The following NEK7 variants were observed in gnomAD, a reference collection of about 807,000 sequenced individuals.
NEK7 encodes serine/threonine-protein kinase Nek7.
A neutral mutation model predicts 44.6 loss-of-function variants in NEK7; 18 were observed. The observed-to-expected ratio is 0.40, with a 90% CI of 0.28 to 0.60. NEK7 has a LOEUF of 0.60. Ranked by LOEUF, NEK7 falls within the 20% of genes least tolerant of loss-of-function variation. The probability of loss-of-function intolerance (pLI) is 0.38; values close to 1 mark genes in which losing one functional copy is unlikely to be tolerated. For synonymous variants in NEK7, 130 were observed against 121.1 expected (o/e 1.07, Z -0.48); for missense variants, 256 against 366.5 (o/e 0.70, Z 2.46).
intron 1 of NEK7, among the ~76,000 whole-genome samples, chr1:198,167,027 T>C (rs2102708969): frequency 6.6e-6 from 1 of 152,344 alleles, no homozygotes; most frequent in Middle Eastern, 3.4e-3. Flanking sequence ...TCTGTCACCA[T>C]TCTGCAGGCC....
chr1:198,307,079 T>C (rs912987707), intron 9 of NEK7, among the ~76,000 whole-genome samples: 1 of 152,132 alleles, frequency 6.6e-6, no homozygotes, highest in Non-Finnish European at 1.5e-5. Context: ...TGTATACCTG[T>C]TATGACCAAC....
intron 7 of NEK7, among the ~76,000 whole-genome samples, chr1:198,282,060 CT>C: frequency 6.6e-6 from 1 of 152,170 alleles, no homozygotes; most frequent in East Asian, 1.9e-4. Context: ...CCTAACAGGT[CT>C]TCACTTGTTT....
At chr1:198,250,469 G>A (rs1307506759) in intron 2 of NEK7, among the ~76,000 whole-genome samples, 3 of 151,594 alleles carry the variant, frequency 2.0e-5, no homozygotes, top group Non-Finnish European at 4.4e-5. Context: ...ATTACCTTGG[G>A]CAGTATGGCC....
chr1:198,224,114 G>T (rs1666145986), intron 1 of NEK7, among the ~76,000 whole-genome samples: 3 of 152,164 alleles, frequency 2.0e-5, no homozygotes, highest in Admixed American at 6.5e-5. Flanking sequence ...ATACATTTGT[G>T]GAAGGACAGA....
chr1:198,295,276 TCA>T (rs1491125556), intron 8 of NEK7, among the ~76,000 whole-genome samples: 1 of 151,872 alleles, frequency 6.6e-6, no homozygotes, highest in Non-Finnish European at 1.5e-5. Flanking sequence ...GGCTTACAGT[TCA>T]AAAAAAAAGA....
chr1:198,309,280 G>C (rs1391830953), intron 9 of NEK7, among the ~76,000 whole-genome samples: 1 of 151,996 alleles, frequency 6.6e-6, no homozygotes, highest in Non-Finnish European at 1.5e-5. Flanking sequence ...GCATGAAGCA[G>C]TTTGGCAAGC....
chr1:198,204,817 T>C (rs1433330404), intron 1 of NEK7, among the ~76,000 whole-genome samples: 2 of 152,090 alleles, frequency 1.3e-5, no homozygotes, highest in African/African-American at 4.8e-5. Flanking sequence ...AAAACACATT[T>C]TATATAGATT....
intron 1 of NEK7, among the ~76,000 whole-genome samples, chr1:198,161,494 GC>G (rs1354186398): frequency 6.6e-6 from 1 of 152,186 alleles, no homozygotes; most frequent in Non-Finnish European, 1.5e-5. Context: ...GTGGTGCTAT[GC>G]CATTGATGTT....
intron 3 of NEK7, among the ~76,000 whole-genome samples, chr1:198,255,913 A>AACC (rs2102933315): frequency 6.6e-6 from 1 of 152,290 alleles, no homozygotes; most frequent in East Asian, 1.9e-4. Flanking sequence ...TGAACAGGAA[A>AACC]ACCCATGGTT....
At chr1:198,274,653 A>G (rs1220986895) in intron 5 of NEK7, among the ~76,000 whole-genome samples, 1 of 151,782 alleles carries the variant, frequency 6.6e-6, no homozygotes, top group African/African-American at 2.4e-5. Context: ...GAATATTAGA[A>G]TTATATAACT....
chr1:198,312,923 G>T (rs867621960), intron 9 of NEK7, among the ~76,000 whole-genome samples: 1 of 152,190 alleles, frequency 6.6e-6, no homozygotes, highest in Admixed American at 6.5e-5. Flanking sequence ...CTGTTGATTT[G>T]GGTTGGAGAG....
At chr1:198,252,994 G>T in intron 2 of NEK7, 46 bp from the exon 3 acceptor site, 1 of 1,526,852 alleles carries the variant, frequency 6.5e-7, no homozygotes, top group East Asian at 2.3e-5. Context: ...TGTGTATTGC[G>T]TGTATATTGT....
chr1:198,175,037 C>A (rs1425794946), intron 1 of NEK7, among the ~76,000 whole-genome samples: 2 of 152,162 alleles, frequency 1.3e-5, no homozygotes, highest in Non-Finnish European at 2.9e-5. Context: ...GGATTACAGG[C>A]ATGAGGCACT....
At chr1:198,295,087 C>CAA (rs113475655) in intron 8 of NEK7, among the ~76,000 whole-genome samples, 26 of 116,054 alleles carry the variant, frequency 2.2e-4, no homozygotes, top group East Asian at 1.4e-3. Context: ...CCTGAAACCT[C>CAA]AAAAAAAAAA....
At chr1:198,197,489 C>A (rs944621535) in intron 1 of NEK7, among the ~76,000 whole-genome samples, 4 of 152,190 alleles carry the variant, frequency 2.6e-5, no homozygotes, top group Non-Finnish European at 5.9e-5. Flanking sequence ...TACAGCTCAG[C>A]AATTTTTTTT....
intron 1 of NEK7, among the ~76,000 whole-genome samples, chr1:198,225,036 C>T (rs1247549870): frequency 1.3e-5 from 2 of 151,904 alleles, no homozygotes; most frequent in Non-Finnish European, 2.9e-5. Flanking sequence ...AATCATATAA[C>T]AGTAGTAGTC....
At chr1:198,160,784 A>G (rs1435031283) in intron 1 of NEK7, among the ~76,000 whole-genome samples, 1 of 152,182 alleles carries the variant, frequency 6.6e-6, no homozygotes, top group African/African-American at 2.4e-5. Flanking sequence ...GCAGTTCAGA[A>G]TTTTTAAATT....
At chr1:198,183,435 TA>T (rs1024071551) in intron 1 of NEK7, among the ~76,000 whole-genome samples, 1 of 152,136 alleles carries the variant, frequency 6.6e-6, no homozygotes, top group African/African-American at 2.4e-5. Context: ...AATGTTTTTT[TA>T]AAAAAGAATG....
chr1:198,310,232 T>C (rs1167775833), intron 9 of NEK7, among the ~76,000 whole-genome samples: 1 of 152,204 alleles, frequency 6.6e-6, no homozygotes, highest in African/African-American at 2.4e-5. Context: ...TTTGGCTGCA[T>C]AAATGTCTTC....
Sources: allele counts gnomAD v4.1 joint callset (sites outside exome capture counted in the v4.1 genomes callset), GRCh38; gene constraint gnomAD v4.1.1; transcripts MANE v1.5; gene names NCBI Gene and HGNC (gene_info 2026-07-23, HGNC 2026-07-21).